DMRT1: variants seen among roughly 807,000 people sequenced by gnomAD.
DMRT1 encodes doublesex and mab-3 related transcription factor 1, also known as doublesex- and mab-3-related transcription factor 1.
In DMRT1, 7 loss-of-function variants were observed where a neutral mutation model predicts 32.3. The observed-to-expected ratio is 0.22, with a 90% CI of 0.12 to 0.41. The LOEUF is 0.41. Ranked by LOEUF, DMRT1 falls within the 10% of genes least tolerant of loss-of-function variation. DMRT1 has a pLI of 1.00. For missense variants in DMRT1, 625 were observed against 500.5 expected, an observed-to-expected ratio of 1.25 and a Z score of -2.37; for synonymous variants, 278 against 206.1, an observed-to-expected ratio of 1.35 and a Z score of -2.99.
intron 4 of DMRT1, among the ~76,000 whole-genome samples, chr9:941,541 A>G (rs996031300): frequency 2.6e-5 from 4 of 152,170 alleles, no homozygotes; most frequent in African/African-American, 9.7e-5. Flanking sequence ...AGGGGAGGAC[A>G]GAATGGAGAG....
chr9:872,864 G>A (rs76204423), intron 2 of DMRT1, among the ~76,000 whole-genome samples: 1,760 of 152,222 alleles, frequency 0.012, 25 homozygotes, highest in African/African-American at 0.04. Context: ...TTCAAAAGCG[G>A]GTGCACCGTT....
chr9:866,241 C>T lies in DMRT1; in HGVS notation c.538+19098C>T, dbSNP rs183963140. The stretch of plus-strand genomic sequence containing the variant: ...AATACTCAGGACTCTGAGACTGGGA[C>T]GTTACCTTTAGCAGAACAGGTAAAG... On this transcript the variant is annotated intron_variant, in intron 2 of 4. Transcript: ENST00000382276. 4.6e-4 allele frequency among the ~76,000 whole-genome samples: 68 copies of T among 148,648 alleles called. 1 individual carries two copies. The highest frequency in any genetic ancestry group is 1.5e-3 in the African/African-American group (61 of 40,540).
At position 968,234 on chromosome 9, in the gene DMRT1, T is replaced by A. The variant is rs914844645; in HGVS notation, c.*95T>A. 3 of 1,449,262 alleles carry A rather than the reference T, an allele frequency of 2.1e-6. No homozygotes were observed. The highest frequency in any genetic ancestry group is 2.8e-5 in the African/African-American group (2 of 71,168). The allele number at this position is 1,449,262 out of a possible 1,614,324, so 89.8% of individuals were successfully genotyped here. A position where few individuals can be genotyped will look rare whatever the true frequency, so the allele number is the denominator to read the frequency against. ...ATATTTTGCATTGACTCATACTATC[T>A]TAACTGTTGAGAACGTATTTGGTTT... On this transcript the variant is annotated 3_prime_UTR_variant, in exon 5 of 5. Coordinates refer to ENST00000382276, the MANE Select transcript of DMRT1 (RefSeq NM_021951.3).
At chr9:906,489 C>T (rs1005136587) in intron 3 of DMRT1, among the ~76,000 whole-genome samples, 1 of 152,196 alleles carries the variant, frequency 6.6e-6, no homozygotes, top group Non-Finnish European at 1.5e-5. Context: ...GGCTATATCT[C>T]TTGATGTCGC....
intron 4 of DMRT1, among the ~76,000 whole-genome samples, chr9:960,815 C>T (rs1393807728): frequency 6.6e-6 from 1 of 152,194 alleles, no homozygotes; most frequent in African/African-American, 2.4e-5. Flanking sequence ...TTTCTGCTGC[C>T]TCTTCGAGCT....
At position 872,757 on chromosome 9, in the gene DMRT1, G is replaced by A. The variant is rs959418152; in HGVS notation, c.539-21155G>A. Among the ~76,000 whole-genome samples the A allele has an allele frequency of 2.0e-5, 3 of 152,150 alleles. No homozygotes were observed. The South Asian group carries it at 6.2e-4, about 31-fold the overall frequency. On this transcript the variant is annotated intron_variant, in intron 2 of 4. Transcript: ENST00000382276. ...AAACATTTTATGTTCAAATTTTTGT[G>A]TAAATATATGTATTCTCTTGTGTAT...
intron 2 of DMRT1, among the ~76,000 whole-genome samples, chr9:855,566 A>C (rs1294536759): frequency 1.3e-5 from 2 of 152,252 alleles, no homozygotes; most frequent in Admixed American, 1.3e-4. Flanking sequence ...CCAGAGAATA[A>C]AACTATTGAT....
At chr9:870,724 T>TTTTTTTTC (rs1816209748) in intron 2 of DMRT1, among the ~76,000 whole-genome samples, 1 of 143,602 alleles carries the variant, frequency 7.0e-6, no homozygotes, top group African/African-American at 2.6e-5. Flanking sequence ...TTTTTTTTTT[T>TTTTTTTTC]TTTTTGAGAC....
At position 968,064 on chromosome 9, in the gene DMRT1, G is replaced by T; in HGVS notation, c.1047G>T (p.Lys349Asn). The T allele has an allele frequency of 6.2e-7, 1 of 1,614,150 alleles. No homozygotes were observed. The highest frequency in any genetic ancestry group is 1.1e-5 in the South Asian group (1 of 91,082). The part of the protein sequence containing the change: ...SSSPISNKST[K>N]AVLECEPASE... ...CTCCTATTAGTAACAAGAGCACAAA[G>T]GCAGTGCTTGAATGTGAGCCTGCGT... The change falls in exon 5 of 5, where the codon AAG (lysine) becomes AAT (asparagine). Residue 349 changes from lysine (K) to asparagine (N), a missense_variant. Physicochemically the swap from Lys to Asn is moderately conservative, Grantham distance 94. Transcript: ENST00000382276.
chr9:930,778 A>C (rs961922408), intron 4 of DMRT1, among the ~76,000 whole-genome samples: 7 of 118,872 alleles, frequency 5.9e-5, no homozygotes, highest in Admixed American at 5.6e-4. Context: ...TCTGGGCCTC[A>C]AGCGGCCTGT....
intron 4 of DMRT1, among the ~76,000 whole-genome samples, chr9:928,828 TTTTATTTATTTATTTATTTTTA>T (rs1564257525): frequency 6.6e-6 from 1 of 151,770 alleles, no homozygotes; most frequent in East Asian, 1.9e-4. Flanking sequence ...GAAATTTAAA[TTTTATTTATTTATTTATTTTTA>T]TTTATTTATT....
chr9:956,811 A>G (rs1819617173), intron 4 of DMRT1, among the ~76,000 whole-genome samples: 1 of 152,164 alleles, frequency 6.6e-6, no homozygotes, highest in South Asian at 2.1e-4. Context: ...TTGACCCAGT[A>G]CCAACAGGCC....
At chr9:851,054 A>G (rs2132552307) in intron 2 of DMRT1, among the ~76,000 whole-genome samples, 1 of 150,756 alleles carries the variant, frequency 6.6e-6, no homozygotes, top group Admixed American at 6.6e-5. Context: ...AAGAAAGAAA[A>G]ATAGACGTGG....
chr9:920,249 G>A (rs1206977667), intron 4 of DMRT1, among the ~76,000 whole-genome samples: 1 of 152,118 alleles, frequency 6.6e-6, no homozygotes, highest in East Asian at 1.9e-4. Context: ...TGTAGGTGGA[G>A]AATATAAAGG....
At chr9:920,789 T>C (rs1319489753) in intron 4 of DMRT1, among the ~76,000 whole-genome samples, 1 of 152,118 alleles carries the variant, frequency 6.6e-6, no homozygotes, top group Non-Finnish European at 1.5e-5. Flanking sequence ...GCTGTAGGGG[T>C]GACCCTGAGC....
rs73639460 is a variant in DMRT1 at position 878,141 on chromosome 9, T to C, written c.539-15771T>C. Among the ~76,000 whole-genome samples, 214 of 151,726 alleles carry C rather than the reference T, an allele frequency of 1.4e-3. 2 individuals are homozygous for C. The highest frequency in any genetic ancestry group is 4.8e-3 in the African/African-American group (198 of 41,246). ...CCCACAGCCTTGCCTGGAATGAACA[T>C]TGAATAGCACATTAACTTTATAGCA... On this transcript the variant is annotated intron_variant, in intron 2 of 4. Transcript: ENST00000382276.
chr9:874,021 A>G (rs1013076297), intron 2 of DMRT1, among the ~76,000 whole-genome samples: 3 of 152,208 alleles, frequency 2.0e-5, no homozygotes, highest in African/African-American at 4.8e-5. Flanking sequence ...GTGACCATGT[A>G]TTTTGTATTT....
chr9:941,297 G>A (rs567338491), intron 4 of DMRT1, among the ~76,000 whole-genome samples: 15 of 151,102 alleles, frequency 9.9e-5, no homozygotes, highest in Admixed American at 2.0e-4. Flanking sequence ...AAAATGTGGC[G>A]CATGCATGAG....
chr9:884,208 C>G (rs780173606), intron 2 of DMRT1, among the ~76,000 whole-genome samples: 3 of 152,018 alleles, frequency 2.0e-5, no homozygotes, highest in Non-Finnish European at 4.4e-5. Context: ...GGGGGGCAAG[C>G]CTTCACCCAC....
Sources: allele counts gnomAD v4.1 joint callset (sites outside exome capture counted in the v4.1 genomes callset), GRCh38; gene constraint gnomAD v4.1.1; transcripts MANE v1.5; gene names NCBI Gene and HGNC (gene_info 2026-07-23, HGNC 2026-07-21).